The following PAK1 variants were observed in gnomAD, a reference collection of about 807,000 sequenced individuals.
The protein encoded by PAK1 is serine/threonine-protein kinase PAK 1.
Under a neutral mutation model 67.4 loss-of-function variants are expected in PAK1, and 29 were observed. The ratio of observed to expected loss-of-function variants is 0.43; its 90% CI spans 0.32 to 0.59. The LOEUF is 0.59. Ranked by LOEUF, PAK1 falls within the 20% of genes least tolerant of loss-of-function variation. The pLI is 0.07. For missense variants in PAK1, 337 were observed against 670.7 expected (o/e 0.50, Z 5.50); for synonymous variants, 223 against 237.4 (o/e 0.94, Z 0.56).
intron 5 of PAK1, among the ~76,000 whole-genome samples, chr11:77,371,861 AC>A (rs1297506646): frequency 6.6e-6 from 1 of 152,162 alleles, no homozygotes; most frequent in African/African-American, 2.4e-5. Flanking sequence ...TATGGCATGA[AC>A]CCCAGGGCTC....
At chr11:77,489,185 C>T in the PAK1 span, among the ~76,000 whole-genome samples, 4 of 152,170 alleles carry the variant, frequency 2.6e-5, no homozygotes, top group East Asian at 7.7e-4. Flanking sequence ...TTCTATTTAT[C>T]CTAGAATAGT....
intron 1 of PAK1, among the ~76,000 whole-genome samples, chr11:77,430,907 G>A (rs1955830145): frequency 6.6e-6 from 1 of 152,200 alleles, no homozygotes; most frequent in Non-Finnish European, 1.5e-5. Flanking sequence ...AGGGGACAAG[G>A]GAGCAAAGCT....
chr11:77,428,871 G>A (rs1473936776), intron 1 of PAK1, among the ~76,000 whole-genome samples: 3 of 151,420 alleles, frequency 2.0e-5, no homozygotes, highest in Admixed American at 2.0e-4. Context: ...AGAGCACCCT[G>A]CTATAGGGTA....
At chr11:77,470,142 T>C (rs1463953887) in intron 1 of PAK1, among the ~76,000 whole-genome samples, 1 of 152,216 alleles carries the variant, frequency 6.6e-6, no homozygotes, top group African/African-American at 2.4e-5. Flanking sequence ...GAAAATTCAT[T>C]AAAACCAGCA....
At chr11:77,516,097 C>G in the PAK1 span, among the ~76,000 whole-genome samples, 11 of 152,204 alleles carry the variant, frequency 7.2e-5, no homozygotes, top group African/African-American at 2.4e-4. Context: ...CTTAACCTCT[C>G]TAAGCCTCAG....
At chr11:77,497,449 G>A in the PAK1 span, among the ~76,000 whole-genome samples, 30 of 152,240 alleles carry the variant, frequency 2.0e-4, no homozygotes, top group African/African-American at 2.9e-4. Flanking sequence ...GAAGGAAAGT[G>A]ACTCACTTAG....
chr11:77,525,909 A>G, the PAK1 span, among the ~76,000 whole-genome samples: 4 of 152,212 alleles, frequency 2.6e-5, no homozygotes, highest in East Asian at 7.7e-4. Flanking sequence ...CCAGGGAATC[A>G]AAGTGGCACT....
the PAK1 span, among the ~76,000 whole-genome samples, chr11:77,517,123 T>C: frequency 6.6e-6 from 1 of 152,186 alleles, no homozygotes; most frequent in Admixed American, 6.5e-5. Flanking sequence ...AACCCAGGGC[T>C]CAAATAATTT....
At chr11:77,363,596 C>T (rs1046454518) in intron 5 of PAK1, among the ~76,000 whole-genome samples, 1 of 152,196 alleles carries the variant, frequency 6.6e-6, no homozygotes, top group Non-Finnish European at 1.5e-5. Context: ...ACAAGTCTTC[C>T]TCATTGCTTT....
chr11:77,363,896 G>A (rs939728493), intron 5 of PAK1, among the ~76,000 whole-genome samples: 11 of 152,250 alleles, frequency 7.2e-5, no homozygotes, highest in African/African-American at 2.4e-4. Flanking sequence ...GGCAAGGGAT[G>A]TTCCCATCCA....
chr11:77,497,929 G>A, the PAK1 span, among the ~76,000 whole-genome samples: 1 of 152,096 alleles, frequency 6.6e-6, no homozygotes, highest in Non-Finnish European at 1.5e-5. Context: ...TTAAAAAACT[G>A]CTACCTTCAG....
intron 1 of PAK1, among the ~76,000 whole-genome samples, chr11:77,405,536 GA>G (rs1369596724): frequency 6.6e-6 from 1 of 151,174 alleles, no homozygotes; most frequent in Non-Finnish European, 1.5e-5. Flanking sequence ...ATGAGTTAAA[GA>G]TTAGATACAG....
the PAK1 span, among the ~76,000 whole-genome samples, chr11:77,513,700 A>G: frequency 7.3e-6 from 1 of 136,928 alleles, no homozygotes; most frequent in Admixed American, 7.4e-5. Context: ...AAAAAAAAGC[A>G]TTTCTACTGA....
chr11:77,454,484 G>T (rs1592534879), intron 1 of PAK1, among the ~76,000 whole-genome samples: 2 of 152,064 alleles, frequency 1.3e-5, no homozygotes, highest in African/African-American at 2.4e-5. Context: ...TGCCTACCCA[G>T]CATCCATTCC....
At chr11:77,417,820 C>T (rs1731294838) in intron 1 of PAK1, among the ~76,000 whole-genome samples, 1 of 151,774 alleles carries the variant, frequency 6.6e-6, no homozygotes, top group South Asian at 2.1e-4. Context: ...CTGCAACCTC[C>T]ACCTCCCCGG....
At chr11:77,524,714 A>AGAAT in the PAK1 span, among the ~76,000 whole-genome samples, 67 of 152,298 alleles carry the variant, frequency 4.4e-4, no homozygotes, top group South Asian at 2.5e-3. Flanking sequence ...GCTTGTTGAA[A>AGAAT]GAATGAATGA....
the PAK1 span, among the ~76,000 whole-genome samples, chr11:77,483,191 C>T: frequency 7.1e-6 from 1 of 140,450 alleles, no homozygotes; most frequent in Non-Finnish European, 1.6e-5. Context: ...GAGTGAGACT[C>T]CATCTCAAAA....
intron 5 of PAK1, among the ~76,000 whole-genome samples, chr11:77,364,057 C>T (rs765477638): frequency 9.2e-5 from 14 of 152,322 alleles, no homozygotes; most frequent in Non-Finnish European, 1.5e-4. Flanking sequence ...AAGGTGGTAG[C>T]GGCAGAGGGT....
chr11:77,481,185 A>G, the PAK1 span, among the ~76,000 whole-genome samples: 1 of 152,156 alleles, frequency 6.6e-6, no homozygotes, highest in African/African-American at 2.4e-5. Context: ...TATTATATCA[A>G]GTATATTAAC....
Sources: allele counts gnomAD v4.1 joint callset (sites outside exome capture counted in the v4.1 genomes callset), GRCh38; gene constraint gnomAD v4.1.1; transcripts MANE v1.5; gene names NCBI Gene and HGNC (gene_info 2026-07-23, HGNC 2026-07-21).